Variants in ITGA9 observed in about 807,000 individuals in gnomAD.
The protein encoded by ITGA9 is integrin subunit alpha 9.
ITGA9 carries 56 observed loss-of-function variants against 127.8 expected under a neutral mutation model. The ratio of observed to expected loss-of-function variants is 0.44; its 90% confidence interval spans 0.35 to 0.55. The LOEUF is 0.55. Among genes scored for constraint, ITGA9 ranks in the 20% least tolerant of loss-of-function variants. The pLI is 0.00. For missense variants in ITGA9, 1,196 were observed against 1,347.1 expected, an observed-to-expected ratio of 0.89 and a Z score of 1.76; for synonymous variants, 508 against 514.5, an observed-to-expected ratio of 0.99 and a Z score of 0.17.
Position 37,744,017 on chromosome 3 carries a change from A to C in ITGA9, c.2416A>C (p.Ile806Leu), listed in dbSNP as rs1221583937. 1.9e-6 allele frequency: 3 copies of C among 1,613,304 alleles called. No homozygotes were observed. The highest frequency in any genetic ancestry group is 2.5e-6 in the Non-Finnish European group (3 of 1,179,236). The change falls in exon 22 of 28, where the codon ATC (isoleucine) becomes CTC (leucine). Residue 806 changes from isoleucine to leucine, a missense_variant. By Grantham distance (5) the Ile-to-Leu change is conservative. Transcript: ENST00000264741. ...TGACCTGGAGTGTCACTTTCAGCCC[A>C]TCAATATCACCCTTCAGGTACCCAC... ...LDDLECHFQP[I>L]NITLQVYNTG...
intron 26 of ITGA9, among the ~76,000 whole-genome samples, chr3:37,795,499 A>G (rs966232015): frequency 7.9e-5 from 12 of 152,168 alleles, no homozygotes; most frequent in African/African-American, 2.7e-4. Context: ...GGTACGTTAA[A>G]TTCTACAGAA....
intron 26 of ITGA9, among the ~76,000 whole-genome samples, chr3:37,800,419 A>T (rs1055176192): frequency 1.3e-5 from 2 of 152,230 alleles, no homozygotes; most frequent in East Asian, 3.8e-4. Context: ...CTACGGTTGC[A>T]CCAGGACCAG....
intron 18 of ITGA9, among the ~76,000 whole-genome samples, chr3:37,692,511 G>C (rs1306193435): frequency 6.6e-6 from 1 of 151,710 alleles, no homozygotes; most frequent in South Asian, 2.1e-4. Flanking sequence ...TGAGTTGCTT[G>C]TACTTAAGAA....
intron 26 of ITGA9, among the ~76,000 whole-genome samples, chr3:37,802,058 C>T (rs1431544249): frequency 6.6e-6 from 1 of 152,104 alleles, no homozygotes; most frequent in Non-Finnish European, 1.5e-5. Context: ...ATGACAAGCT[C>T]AGATTTGGGG....
At position 37,513,744 on chromosome 3, in the gene ITGA9, C is replaced by T. The variant is rs376410870; in HGVS notation, c.898-19C>T. On this transcript the variant is annotated intron_variant, in intron 8 of 27. Coordinates refer to ENST00000264741, the MANE Select transcript of ITGA9 (RefSeq NM_002207.3). The stretch of plus-strand genomic sequence containing the variant: ...AGAGCAGACACTGAATGCTTTGTTG[C>T]AACTCAACTTGGTTGCAGATGGGCT... 4.4e-5 allele frequency: 71 copies of T among 1,613,920 alleles called. No individual in the cohort carries two copies. Among genetic ancestry groups the T allele is most frequent in the Admixed American group, 3.7e-4 (22 of 60,014 alleles).
intron 22 of ITGA9, chr3:37,748,278 T>C (rs2125536651): frequency 3.9e-6 from 2 of 514,928 alleles, no homozygotes; most frequent in South Asian, 3.2e-5. Context: ...CCCGCAAGTA[T>C]TACCATGGCT....
chr3:37,689,134 C>T (rs969655901), intron 18 of ITGA9, among the ~76,000 whole-genome samples: 3 of 152,180 alleles, frequency 2.0e-5, no homozygotes, highest in Non-Finnish European at 4.4e-5. Context: ...GCCCAGGCCT[C>T]CAAGGTTACC....
rs145021812 is a variant in ITGA9, at chr3:37,661,009, A to G, written c.1916+7219A>G. ...TGCACTTTTCCTCCAGCCTTATTCT[A>G]TTGGCCACAGCAAGTCACATGGCCA... On this transcript the variant is annotated intron_variant, in intron 17 of 27. Coordinates refer to ENST00000264741, the MANE Select transcript of ITGA9 (RefSeq NM_002207.3). Among the ~76,000 whole-genome samples the G allele has an allele frequency of 1.6e-3, 250 of 152,330 alleles. 1 individual carries two copies. The highest frequency in any genetic ancestry group is 5.7e-3 in the African/African-American group (236 of 41,578).
At chr3:37,455,930 T>G (rs1698251613) in intron 1 of ITGA9, among the ~76,000 whole-genome samples, 1 of 152,202 alleles carries the variant, frequency 6.6e-6, no homozygotes, top group South Asian at 2.1e-4. Flanking sequence ...TTGGTGGAAC[T>G]AGCACTTCTC....
At chr3:37,514,956 G>T (rs902672249) in intron 9 of ITGA9, among the ~76,000 whole-genome samples, 2 of 152,054 alleles carry the variant, frequency 1.3e-5, no homozygotes. Context: ...CTAATGGAGG[G>T]TGGGTGAGTG....
intron 15 of ITGA9, among the ~76,000 whole-genome samples, chr3:37,605,424 GGAGCAGGA>G (rs1699958963): frequency 1.3e-5 from 2 of 152,254 alleles, no homozygotes; most frequent in South Asian, 4.1e-4. Flanking sequence ...GGACAGGAAA[GGAGCAGGA>G]GAGCAAGCAG....
At chr3:37,740,300 C>T (rs116020818) in intron 20 of ITGA9, among the ~76,000 whole-genome samples, 2,097 of 152,176 alleles carry the variant, frequency 0.014, 48 homozygotes, top group African/African-American at 0.047. Context: ...CTAGGGGACT[C>T]TTTTCTTCCG....
intron 15 of ITGA9, among the ~76,000 whole-genome samples, chr3:37,584,837 C>T (rs1443808876): frequency 6.6e-6 from 1 of 152,108 alleles, no homozygotes; most frequent in Non-Finnish European, 1.5e-5. Context: ...GTTGGGCATA[C>T]AGCATAGAGT....
chr3:37,520,822 G>A (rs1249952665), intron 11 of ITGA9, among the ~76,000 whole-genome samples: 1 of 152,152 alleles, frequency 6.6e-6, no homozygotes, highest in East Asian at 1.9e-4. Flanking sequence ...CCCCGTGCTC[G>A]GGCAGCGGTC....
intron 18 of ITGA9, among the ~76,000 whole-genome samples, chr3:37,696,498 A>G (rs1700886632): frequency 6.6e-6 from 1 of 152,238 alleles, no homozygotes; most frequent in South Asian, 2.1e-4. Flanking sequence ...CAGAGGTGCC[A>G]CAGCTCCATA....
intron 15 of ITGA9, among the ~76,000 whole-genome samples, chr3:37,608,333 A>G (rs1309685809): frequency 2.0e-5 from 3 of 152,264 alleles, no homozygotes; most frequent in African/African-American, 7.2e-5. Flanking sequence ...ATACTATTTC[A>G]GGAACATAAA....
At chr3:37,787,697 A>G (rs1697058175) in intron 26 of ITGA9, among the ~76,000 whole-genome samples, 2 of 152,212 alleles carry the variant, frequency 1.3e-5, no homozygotes, top group South Asian at 4.1e-4. Flanking sequence ...TCCCTGCGTG[A>G]TTCTTCTGAA....
At chr3:37,707,891 A>C (rs892101533) in intron 18 of ITGA9, among the ~76,000 whole-genome samples, 2 of 152,154 alleles carry the variant, frequency 1.3e-5, no homozygotes, top group Non-Finnish European at 2.9e-5. Flanking sequence ...CAGGCTCTGC[A>C]AAGGGGGTGG....
chr3:37,517,025 ACTCC>A (rs1419236665), intron 9 of ITGA9, among the ~76,000 whole-genome samples: 4 of 152,034 alleles, frequency 2.6e-5, no homozygotes, highest in Non-Finnish European at 5.9e-5. Context: ...CTGAACCATG[ACTCC>A]CTCTATCAAG....
Sources: gnomAD v4.1 joint callset for allele counts (sites outside exome capture counted in the v4.1 genomes callset) on GRCh38, gnomAD v4.1.1 for gene constraint, MANE v1.5 for transcripts, NCBI Gene and HGNC (gene_info 2026-07-23, HGNC 2026-07-21) for gene names.